Variants in SLC35A3 observed in about 807,000 individuals in gnomAD.
SLC35A3 encodes UDP-N-acetylglucosamine transporter.
A neutral mutation model predicts 39.0 loss-of-function variants in SLC35A3; 26 were observed. The observed-to-expected ratio is 0.67, with a 90% confidence interval of 0.49 to 0.92. SLC35A3 has a LOEUF of 0.92. Ranked by LOEUF, SLC35A3 falls within the 40% of genes least tolerant of loss-of-function variation. The probability of loss-of-function intolerance (pLI) is 0.00; values close to 1 mark genes in which losing one functional copy is unlikely to be tolerated. For missense variants in SLC35A3, 299 were observed against 371.6 expected (o/e 0.80, Z 1.61); for synonymous variants, 135 against 133.1 (o/e 1.01, Z -0.10).
intron 1 of SLC35A3, among the ~76,000 whole-genome samples, chr1:99,975,590 G>A (rs1657063327): frequency 1.3e-5 from 2 of 152,154 alleles, no homozygotes; most frequent in Non-Finnish European, 2.9e-5. Flanking sequence ...TCTACAAATA[G>A]AGAAGGGAGA....
At chr1:100,001,087 T>TTGTG (rs1658757995) in intron 3 of SLC35A3, among the ~76,000 whole-genome samples, 1 of 152,114 alleles carries the variant, frequency 6.6e-6, no homozygotes, top group Non-Finnish European at 1.5e-5. Flanking sequence ...TTAAACAAAT[T>TTGTG]CCATGCTATT....
At chr1:99,977,609 T>A (rs1557819277) in intron 1 of SLC35A3, among the ~76,000 whole-genome samples, 4 of 151,938 alleles carry the variant, frequency 2.6e-5, no homozygotes. Flanking sequence ...GTGATGTGAT[T>A]ACAGCTCATT....
At chr1:99,983,412 G>C (rs1657569624) in intron 1 of SLC35A3, among the ~76,000 whole-genome samples, 1 of 151,604 alleles carries the variant, frequency 6.6e-6, no homozygotes, top group East Asian at 2.0e-4. Flanking sequence ...GGTGGCGGGC[G>C]CCTGTAATCC....
chr1:99,976,065 A>C (rs1363198723), intron 1 of SLC35A3, among the ~76,000 whole-genome samples: 1 of 152,104 alleles, frequency 6.6e-6, no homozygotes, highest in Non-Finnish European at 1.5e-5. Context: ...GTCTCAAAAA[A>C]ACTCCAAAAA....
rs1193629640 is a variant in SLC35A3, at chr1:100,029,389, T to TA, written c.*6914dup. The TA allele has an allele frequency of 6.6e-6, 1 of 152,018 alleles. No homozygotes were observed. Among genetic ancestry groups the TA allele is most frequent in the Non-Finnish European group, 1.5e-5 (1 of 68,042 alleles). 9.4% of individuals were successfully genotyped at this position (152,018 alleles called of 1,614,324 possible). On this transcript the variant is annotated 3_prime_UTR_variant, in exon 8 of 8. Coordinates refer to ENST00000533028, the MANE Select transcript of SLC35A3 (RefSeq NM_012243.3). ...CTTCCTTCTGAATTGATGAGGATGA[T>TA]ACAAGCAACGACAATTCTTCTTTTC...
intron 4 of SLC35A3, chr1:100,007,591 T>A (rs377329273): frequency 6.6e-6 from 1 of 152,620 alleles, no homozygotes; most frequent in Non-Finnish European, 1.5e-5. Flanking sequence ...AATACTGGGG[T>A]TGCTTGCAGG....
Position 100,034,111 on chromosome 1 carries a change from G to C in SLC35A3, c.*11635G>C, listed in dbSNP as rs547907913. ...GCTTGATGTTATCATCAAGAAGTGT[G>C]GCACCACTTGATTTTTTTCCCTTTT... On this transcript the variant is annotated 3_prime_UTR_variant, in exon 8 of 8. Coordinates refer to ENST00000533028, the MANE Select transcript of SLC35A3 (RefSeq NM_012243.3). The C allele has an allele frequency of 6.6e-6, 1 of 152,178 alleles. No individual in the cohort carries two copies. The highest frequency in any genetic ancestry group is 1.5e-5 in the Non-Finnish European group (1 of 68,008). 9.4% of individuals were successfully genotyped at this position (152,178 alleles called of 1,614,324 possible).
chr1:100,016,454 A>G (rs1332985431), intron 6 of SLC35A3, among the ~76,000 whole-genome samples: 2 of 149,162 alleles, frequency 1.3e-5, no homozygotes, highest in African/African-American at 5.0e-5. Context: ...GCTCACTGCA[A>G]GCTCCGCCTC....
Position 100,011,481 on chromosome 1 carries a change from G to GA in SLC35A3, c.586dup (p.Ile196AsnfsTer32). On this transcript the variant is annotated frameshift_variant, in exon 5 of 8. Coordinates refer to ENST00000533028, the MANE Select transcript of SLC35A3 (RefSeq NM_012243.3). LOFTEE classifies it high-confidence loss of function. ...GTGGCTTTGCTGGGGTTTACTTTGA[G>GA]AAAATCTTAAAAGAAACAAAACAAT... 1 of 1,567,738 alleles carries GA rather than the reference G, an allele frequency of 6.4e-7. No homozygotes were observed.
chr1:100,019,674 C>T (rs532971903), intron 7 of SLC35A3, among the ~76,000 whole-genome samples: 29 of 152,138 alleles, frequency 1.9e-4, no homozygotes, highest in African/African-American at 5.8e-4. Flanking sequence ...TGAAATGGTA[C>T]GCCTATACTT....
chr1:99,976,854 G>C (rs559039877), intron 1 of SLC35A3, among the ~76,000 whole-genome samples: 1 of 152,024 alleles, frequency 6.6e-6, no homozygotes, highest in African/African-American at 2.4e-5. Flanking sequence ...ATTGCCTATT[G>C]GGTATTATGC....
rs991367893 is a variant in SLC35A3 at position 100,024,765 on chromosome 1, G to A, written c.*2289G>A. The A allele has an allele frequency of 7.6e-6, 3 of 396,302 alleles. No homozygotes were observed. The highest frequency in any genetic ancestry group is 2.1e-5 in the African/African-American group (1 of 48,424). 24.5% of individuals were successfully genotyped at this position (396,302 alleles called of 1,614,324 possible). A position where few individuals can be genotyped will look rare whatever the true frequency, so the allele number is the denominator to read the frequency against. ...TCTGAGTAGCTGGGATTGCAGGCGT[G>A]AGCCACTGCGCCCGGCCTATACTGT... On this transcript the variant is annotated 3_prime_UTR_variant, in exon 8 of 8. Transcript: ENST00000533028.
At chr1:99,992,779 T>G (rs1049428159) in intron 1 of SLC35A3, among the ~76,000 whole-genome samples, 3 of 152,220 alleles carry the variant, frequency 2.0e-5, no homozygotes, top group Non-Finnish European at 4.4e-5. Flanking sequence ...TTGGATTGTT[T>G]CCTGAACTTT....
At chr1:99,986,570 T>TTTTA (rs1286935726) in intron 1 of SLC35A3, among the ~76,000 whole-genome samples, 11 of 152,020 alleles carry the variant, frequency 7.2e-5, no homozygotes, top group Admixed American at 2.6e-4. Context: ...GACCTTTAAT[T>TTTTA]TTTATTTATT....
intron 7 of SLC35A3, chr1:100,018,021 A>AT (rs1273927086): frequency 5.8e-6 from 2 of 347,608 alleles, no homozygotes; most frequent in African/African-American, 4.2e-5. Flanking sequence ...GTTGGCCAGA[A>AT]TTTTCCCAAT....
chr1:99,971,501 G>A (rs1425492487), intron 1 of SLC35A3, among the ~76,000 whole-genome samples: 4 of 152,052 alleles, frequency 2.6e-5, no homozygotes, highest in Non-Finnish European at 5.9e-5. Context: ...TAGAGACGGG[G>A]TTTCACCATG....
intron 3 of SLC35A3, among the ~76,000 whole-genome samples, chr1:100,006,802 T>C (rs114485948): frequency 0.013 from 2,039 of 152,308 alleles, 18 homozygotes; most frequent in Middle Eastern, 0.058. Context: ...ACCTAATTTA[T>C]AATAAGAAGG....
At chr1:99,975,584 CA>C (rs1273249409) in intron 1 of SLC35A3, among the ~76,000 whole-genome samples, 1 of 151,948 alleles carries the variant, frequency 6.6e-6, no homozygotes, top group African/African-American at 2.4e-5. Flanking sequence ...AGAGGTTCTA[CA>C]AATAGAGAAG....
intron 1 of SLC35A3, among the ~76,000 whole-genome samples, chr1:99,984,105 T>G (rs1403765298): frequency 6.6e-6 from 1 of 152,102 alleles, no homozygotes; most frequent in Admixed American, 6.5e-5. Flanking sequence ...AAGAAGTAGA[T>G]CTGATATATC....
Sources: gnomAD v4.1 joint callset for allele counts (sites outside exome capture counted in the v4.1 genomes callset) on GRCh38, gnomAD v4.1.1 for gene constraint, MANE v1.5 for transcripts, NCBI Gene and HGNC (gene_info 2026-07-23, HGNC 2026-07-21) for gene names.